Variants in MRPL2 observed in about 807,000 individuals in gnomAD.
MRPL2 encodes large ribosomal subunit protein uL2m.
A neutral mutation model predicts 34.6 loss-of-function variants in MRPL2; 27 were observed. The ratio of observed to expected loss-of-function variants is 0.78; its 90% confidence interval spans 0.58 to 1.08. The LOEUF (loss-of-function observed/expected upper bound fraction) is 1.08, where lower values mean the gene tolerates loss of function less well. MRPL2 is among the 50% of genes least tolerant of loss of function. MRPL2 has a pLI of 0.00. For synonymous variants in MRPL2, 155 were observed against 158.0 expected, an observed-to-expected ratio of 0.98 and a Z score of 0.14; for missense variants, 414 against 419.3, an observed-to-expected ratio of 0.99 and a Z score of 0.11.
chr6:43,056,387 G>A lies in MRPL2; in HGVS notation c.324C>T (p.Asp108=), dbSNP rs760334358. ...GGHKQRYRMI[D]FLRFRPEETK... ...TCTCCTCAGGCCGGAAACGCAGAAA[G>A]TCAATCATTCGATAACGTTGCTTGT... The change falls in exon 3 of 7, where the codon GAC becomes GAT. Residue 108 remains aspartate, a synonymous_variant. Coordinates refer to ENST00000388752, the MANE Select transcript of MRPL2 (RefSeq NM_015950.5). 3 of 1,614,200 alleles carry A rather than the reference G, an allele frequency of 1.9e-6. No individual in the cohort carries two copies. In the South Asian group the frequency reaches 3.3e-5, roughly 18 times the overall value.
Position 43,058,250 on chromosome 6 carries a change from A to T in MRPL2, c.97-17T>A. 1 of 1,611,752 alleles carries T rather than the reference A, an allele frequency of 6.2e-7. No individual in the cohort carries two copies. Among genetic ancestry groups the T allele is most frequent in the Non-Finnish European group, 8.5e-7 (1 of 1,178,208 alleles). On this transcript the variant is annotated splice_polypyrimidine_tract_variant and intron_variant, in intron 1 of 6. Transcript: ENST00000388752. ...GTTCATCATCTAGGGATAAAAAGAC[A>T]TCTCTTTCATTTGAAAGCTAATTGA...
chr6:43,056,046 G>T, intron 4 of MRPL2, 35 bp downstream of exon 4: 1 of 1,614,104 alleles, frequency 6.2e-7, no homozygotes, highest in Non-Finnish European at 8.5e-7. Flanking sequence ...AACTTTTGCT[G>T]CCTCCAGCCC....
intron 2 of MRPL2, chr6:43,057,792 T>G (rs1359518177): frequency 2.3e-6 from 1 of 427,342 alleles, no homozygotes; most frequent in Non-Finnish European, 4.1e-6. Flanking sequence ...TATAAATTTT[T>G]GAAGGGTATG....
intron 5 of MRPL2, 58 bp downstream of exon 5, chr6:43,055,839 G>A: frequency 6.6e-7 from 1 of 1,508,090 alleles, no homozygotes; most frequent in East Asian, 2.3e-5. Flanking sequence ...GGAACCATGG[G>A]TTCAGACTCT....
At chr6:43,057,951 G>T in intron 2 of MRPL2, 114 bp downstream of exon 2, 1 of 1,231,814 alleles carries the variant, frequency 8.1e-7, no homozygotes, top group Non-Finnish European at 1.2e-6. Flanking sequence ...CCAAATAAGT[G>T]CTTTTTAATT....
Position 43,058,070 on chromosome 6 carries a change from T to G in MRPL2, c.260A>C (p.His87Pro), listed in dbSNP as rs1561906712. Residue 87 changes from histidine (H) to proline (P), a missense_variant, in exon 2 of 7, where the codon CAC becomes CCC. By Grantham distance (77) the His-to-Pro change is moderately conservative. Transcript: ENST00000388752. ...VKMRKSGGRD[H>P]TGRIRVHGIG... is the part of the protein sequence containing the mutation. Reference sequence around the variant, plus strand: ...CCCCCTGTCCTTGTTCCCACCTGTGTGGTCTCGGCCCCCAGACTTCCTCAT... The same window carrying G: ...CCCCCTGTCCTTGTTCCCACCTGTGGGGTCTCGGCCCCCAGACTTCCTCAT... 6.2e-7 allele frequency: 1 copy of G among 1,613,884 alleles called. No homozygotes were observed. The highest frequency in any genetic ancestry group is 2.2e-5 in the East Asian group (1 of 44,884).
chr6:43,057,115 T>G (rs1379062231), intron 2 of MRPL2, among the ~76,000 whole-genome samples: 1 of 152,198 alleles, frequency 6.6e-6, no homozygotes, highest in Non-Finnish European at 1.5e-5. Flanking sequence ...GACCTAAAGT[T>G]ATCCTCCCGC....
rs1186732439 is a variant in MRPL2, at chr6:43,059,106, T to C, written c.96+180A>G. 4 of 1,528,828 alleles carry C rather than the reference T, an allele frequency of 2.6e-6. No homozygotes were observed. The East Asian group carries it at 7.4e-5, about 28-fold the overall frequency. The allele number at this position is 1,528,828 out of a possible 1,614,324, so 94.7% of individuals were successfully genotyped here. The stretch of plus-strand genomic sequence containing the variant: ...CACCTTAAGTATCTCGTCTGAAGAA[T>C]TTCGCCCTATGAGAAAGCAACACTT... On this transcript the variant is annotated intron_variant, in intron 1 of 6. Transcript: ENST00000388752.
intron 1 of MRPL2, 90 bp downstream of exon 1, chr6:43,059,196 C>T: frequency 6.4e-7 from 1 of 1,550,788 alleles, no homozygotes; most frequent in Non-Finnish European, 8.7e-7. Flanking sequence ...GACTCCTGAC[C>T]AGACTCGCAA....
Position 43,055,830 on chromosome 6 carries a change from G to A in MRPL2, c.631+67C>T, listed in dbSNP as rs1238356191. 2.0e-6 allele frequency: 3 copies of A among 1,464,346 alleles called. No homozygotes were observed. In the African/African-American group the frequency reaches 4.2e-5, roughly 21 times the overall value. The allele number at this position is 1,464,346 out of a possible 1,614,324, so 90.7% of individuals were successfully genotyped here. A position where few individuals can be genotyped will look rare whatever the true frequency, so the allele number is the denominator to read the frequency against. ...ATTTTCTCTGCCAGTACCAGATGTG[G>A]AACCATGGGTTCAGACTCTCCTTGC... On this transcript the variant is annotated intron_variant, in intron 5 of 6. Coordinates refer to ENST00000388752, the MANE Select transcript of MRPL2 (RefSeq NM_015950.5).
intron 5 of MRPL2, 61 bp from the exon 6 acceptor site, chr6:43,055,679 CAG>C (rs1343728930): frequency 1.3e-6 from 2 of 1,579,930 alleles, no homozygotes; most frequent in East Asian, 4.5e-5. Flanking sequence ...GGGACTTACA[CAG>C]GGGACATACC....
Position 43,054,095 on chromosome 6 carries a change from A to G in MRPL2, c.*179T>C. 1.6e-6 allele frequency: 1 copy of G among 636,730 alleles called. No homozygotes were observed. Among genetic ancestry groups the G allele is most frequent in the Non-Finnish European group, 2.7e-6 (1 of 371,748 alleles). 39.4% of individuals were successfully genotyped at this position (636,730 alleles called of 1,614,324 possible). A position where few individuals can be genotyped will look rare whatever the true frequency, so the allele number is the denominator to read the frequency against. On this transcript the variant is annotated 3_prime_UTR_variant, in exon 7 of 7. Coordinates refer to ENST00000388752, the MANE Select transcript of MRPL2 (RefSeq NM_015950.5). ...TGTAAGGGAATTGGGGTGGGGACAG[A>G]CCCAGTGTCCTGTACTTTCTCTTCC...
In MRPL2 at chr6:43,058,048, CCT is replaced by C. The variant is rs767926914; in HGVS notation, c.265+15_265+16del. 103 of 1,613,078 alleles carry C rather than the reference CCT, an allele frequency of 6.4e-5. No homozygotes were observed. In the East Asian group the frequency reaches 9.4e-4, roughly 15 times the overall value. ...TTTTCCTTTTGACTGCTTAAATCCC[CCT>C]GTCCTTGTTCCCACCTGTGTGGTCT... On this transcript the variant is annotated intron_variant, in intron 2 of 6. Coordinates refer to ENST00000388752, the MANE Select transcript of MRPL2 (RefSeq NM_015950.5).
Position 43,055,455 on chromosome 6 carries a change from C to A in MRPL2, c.705+90G>T, listed in dbSNP as rs549916794. 10 of 1,288,026 alleles carry A rather than the reference C, an allele frequency of 7.8e-6. No homozygotes were observed. In the African/African-American group the frequency reaches 1.5e-4, roughly 19 times the overall value. 79.8% of individuals were successfully genotyped at this position (1,288,026 alleles called of 1,614,324 possible). Reference sequence around the variant, plus strand: ...CTCAGCTCAAGGCAGTTCCTTGCATCATAAAACACCTGGGAGCTATCCCAG... The same window carrying A: ...CTCAGCTCAAGGCAGTTCCTTGCATAATAAAACACCTGGGAGCTATCCCAG... On this transcript the variant is annotated intron_variant, in intron 6 of 6. Coordinates refer to ENST00000388752, the MANE Select transcript of MRPL2 (RefSeq NM_015950.5).
At chr6:43,057,102 C>T (rs1764898912) in intron 2 of MRPL2, among the ~76,000 whole-genome samples, 1 of 151,584 alleles carries the variant, frequency 6.6e-6, no homozygotes, top group South Asian at 2.1e-4. Context: ...CAGGCTGGAT[C>T]CTGACCTAAA....
Position 43,055,572 on chromosome 6 carries a change from G to A in MRPL2, c.678C>T (p.Ile226=), listed in dbSNP as rs561876115. 6.8e-6 allele frequency: 11 copies of A among 1,614,012 alleles called. No homozygotes were observed. The highest frequency in any genetic ancestry group is 8.5e-6 in the Non-Finnish European group (10 of 1,180,024). ...LLRKVNGTAI[I]QLPSKRQMQV... is the part of the protein sequence containing the mutation. ...GCATCTGCCTCTTAGAGGGCAGCTG[G>A]ATAATGGCTGTGCCATTCACCTTCC... Residue 226 remains isoleucine (I), a synonymous_variant, in exon 6 of 7, where the codon ATC becomes ATT. Coordinates refer to ENST00000388752, the MANE Select transcript of MRPL2 (RefSeq NM_015950.5).
At chr6:43,055,429 C>T (rs1354520088) in intron 6 of MRPL2, 116 bp downstream of exon 6, 2 of 929,106 alleles carry the variant, frequency 2.2e-6, no homozygotes, top group Admixed American at 4.5e-5. Context: ...AAAAGGACAG[C>T]CTCAGCTCAA....
intron 2 of MRPL2, among the ~76,000 whole-genome samples, chr6:43,056,760 C>T (rs535113279): frequency 5.3e-5 from 8 of 152,030 alleles, no homozygotes; most frequent in Admixed American, 2.6e-4. Flanking sequence ...CTGCAAGCTC[C>T]GCCTCCCGGG....
chr6:43,059,787 C>G, upstream of MRPL2: 2 of 1,183,690 alleles, frequency 1.7e-6, no homozygotes, highest in Admixed American at 8.6e-5. Flanking sequence ...ACCAACCTTA[C>G]AAAACTCCAG....
Sources: gnomAD v4.1 joint callset for allele counts (sites outside exome capture counted in the v4.1 genomes callset) on GRCh38, gnomAD v4.1.1 for gene constraint, MANE v1.5 for transcripts, NCBI Gene and HGNC (gene_info 2026-07-23, HGNC 2026-07-21) for gene names.